Variants in ANK3 observed in about 807,000 individuals in gnomAD.
ANK3 encodes the protein ankyrin 3.
Under a neutral mutation model 370.9 loss-of-function variants are expected in ANK3, and 57 were observed. That is an observed-to-expected ratio of 0.15 (90% CI 0.12 to 0.19). ANK3 has a LOEUF of 0.19. ANK3 is among the 10% of genes least tolerant of loss of function. The pLI, the probability that ANK3 is intolerant of heterozygous loss-of-function variation, is 1.00. For missense variants in ANK3, 4,439 were observed against 5,302.1 expected, an observed-to-expected ratio of 0.84 and a Z score of 5.06; for synonymous variants, 1,929 against 1,946.3, an observed-to-expected ratio of 0.99 and a Z score of 0.23.
In ANK3 at chr10:60,196,642, AT is replaced by A; in HGVS notation, c.1690-18del. 5 of 1,372,544 alleles carry A rather than the reference AT, an allele frequency of 3.6e-6. No individual in the cohort carries two copies. The highest frequency in any genetic ancestry group is 5.1e-6 in the Non-Finnish European group (5 of 979,124). 85.0% of individuals were successfully genotyped at this position (1,372,544 alleles called of 1,614,324 possible). On this transcript the variant is annotated intron_variant, in intron 14 of 43. Coordinates refer to ENST00000280772, the MANE Select transcript of ANK3 (RefSeq NM_020987.5). ...AAATCCTTTCTGAAAAAAAAAAAAC[AT>A]AAAAATAATGAACAATAGAAATGAC...
At chr10:60,616,573 T>C (rs1219105669) in intron 1 of ANK3, among the ~76,000 whole-genome samples, 1 of 152,172 alleles carries the variant, frequency 6.6e-6, no homozygotes, top group East Asian at 1.9e-4. Context: ...CCTATTTACA[T>C]GGCAAGATTT....
At chr10:60,357,268 A>G (rs537483594) in intron 1 of ANK3, among the ~76,000 whole-genome samples, 2 of 152,168 alleles carry the variant, frequency 1.3e-5, no homozygotes, top group Non-Finnish European at 2.9e-5. Flanking sequence ...TTAATCACCA[A>G]CAGCTGCGTC....
intron 2 of ANK3, among the ~76,000 whole-genome samples, chr10:60,557,911 G>T (rs1246997499): frequency 6.6e-6 from 1 of 152,162 alleles, no homozygotes; most frequent in East Asian, 1.9e-4. Flanking sequence ...TACTTGAAAA[G>T]ATTAGGAAAC....
chr10:60,693,456 C>T (rs1225593871), intron 1 of ANK3, among the ~76,000 whole-genome samples: 1 of 152,236 alleles, frequency 6.6e-6, no homozygotes, highest in East Asian at 1.9e-4. Flanking sequence ...AGGGAACAGA[C>T]AAACAAAAAG....
At chr10:60,094,166 G>C (rs974531398) in intron 28 of ANK3, among the ~76,000 whole-genome samples, 1 of 149,804 alleles carries the variant, frequency 6.7e-6, no homozygotes, top group Non-Finnish European at 1.5e-5. Flanking sequence ...TGATGAAATG[G>C]AGAAACAGTA....
At chr10:60,685,477 T>C (rs1456442029) in intron 1 of ANK3, among the ~76,000 whole-genome samples, 1 of 152,214 alleles carries the variant, frequency 6.6e-6, no homozygotes, top group Non-Finnish European at 1.5e-5. Flanking sequence ...GGACTAAGAA[T>C]GTGTTTTAAA....
intron 1 of ANK3, among the ~76,000 whole-genome samples, chr10:60,359,594 A>C (rs966710080): frequency 2.0e-5 from 3 of 152,180 alleles, no homozygotes; most frequent in Non-Finnish European, 2.9e-5. Flanking sequence ...CCTTAGAGTA[A>C]TTTGATCTAA....
chr10:60,550,532 T>C (rs1394157524), intron 2 of ANK3, among the ~76,000 whole-genome samples: 3 of 152,044 alleles, frequency 2.0e-5, no homozygotes, highest in African/African-American at 7.2e-5. Context: ...ATAAATTTCT[T>C]CTTTTATTTG....
At chr10:60,347,568 T>C (rs1280637141) in intron 1 of ANK3, among the ~76,000 whole-genome samples, 1 of 152,014 alleles carries the variant, frequency 6.6e-6, no homozygotes, top group Non-Finnish European at 1.5e-5. Flanking sequence ...TCCTACAGGG[T>C]TGTTTTAAGG....
At chr10:60,125,802 A>G (rs1424182997) in intron 25 of ANK3, among the ~76,000 whole-genome samples, 1 of 152,176 alleles carries the variant, frequency 6.6e-6, no homozygotes, top group Non-Finnish European at 1.5e-5. Flanking sequence ...GGTAATTGAA[A>G]ATGCTTGGAT....
At position 60,181,342 on chromosome 10, in the gene ANK3, T is replaced by C. The variant is rs1379116328; in HGVS notation, c.2171A>G (p.Asp724Gly). Residue 724 changes from aspartate to glycine, a missense_variant, in exon 18 of 44, where the codon GAC becomes GGC. Transcript: ENST00000280772. Reference protein sequence around the residue: ...EVLVNQGAHVDAQTKMGYTPL... With the variant: ...EVLVNQGAHVGAQTKMGYTPL... ...AGGGCCGTATACCTTTGTCTGGGCG[T>C]CCACATGAGCCCCTTGGTTTACGAG... 1 of 1,614,054 alleles carries C rather than the reference T, an allele frequency of 6.2e-7. No homozygotes were observed. Among genetic ancestry groups the C allele is most frequent in the Non-Finnish European group, 8.5e-7 (1 of 1,180,006 alleles).
At chr10:60,649,376 A>T (rs2078757336) in intron 1 of ANK3, among the ~76,000 whole-genome samples, 1 of 152,216 alleles carries the variant, frequency 6.6e-6, no homozygotes, top group Non-Finnish European at 1.5e-5. Context: ...TTACCATAGT[A>T]ATCATTTAAG....
intron 2 of ANK3, among the ~76,000 whole-genome samples, chr10:60,534,985 A>C (rs1162360438): frequency 6.6e-6 from 1 of 152,088 alleles, no homozygotes; most frequent in Non-Finnish European, 1.5e-5. Context: ...CCTTAAAACC[A>C]AACCTAATTT....
In ANK3 at chr10:60,469,547, G is replaced by A. The variant is rs201825497; in HGVS notation, c.96+145639C>T. Among the ~76,000 whole-genome samples, 10 of 1,030 alleles carry A rather than the reference G, an allele frequency of 9.7e-3. 3 individuals carry two copies. The highest frequency in any genetic ancestry group is 0.025 in the African/African-American group (7 of 278). The allele number at this position is 1,030 out of a possible 152,430, so 0.7% of individuals were successfully genotyped here. On this transcript the variant is annotated intron_variant, in intron 2 of 43. Coordinates refer to the ANK3 transcript ENST00000373827. ...GTGGTATATATATATATATGGTGGT[G>A]TATATATATATATATATATATATGG...
At chr10:60,655,266 T>A (rs1345331574) in intron 1 of ANK3, among the ~76,000 whole-genome samples, 4 of 151,284 alleles carry the variant, frequency 2.6e-5, no homozygotes, top group African/African-American at 7.3e-5. Flanking sequence ...CTTCTGGAAG[T>A]ATTCCAGAAG....
At chr10:60,226,513 A>T (rs1157080061) in intron 8 of ANK3, among the ~76,000 whole-genome samples, 1 of 51,818 alleles carries the variant, frequency 1.9e-5, no homozygotes, top group Non-Finnish European at 3.3e-5. Context: ...ATATATACAT[A>T]GTATATATAC....
chr10:60,079,014 G>A (rs552902065), intron 36 of ANK3, among the ~76,000 whole-genome samples: 5 of 152,208 alleles, frequency 3.3e-5, no homozygotes, highest in South Asian at 2.1e-4. Flanking sequence ...AGGGGCCTCC[G>A]ACCTAAAGCG....
intron 2 of ANK3, among the ~76,000 whole-genome samples, chr10:60,489,847 A>AAAAAGC (rs1351798443): frequency 6.6e-6 from 1 of 152,258 alleles, no homozygotes; most frequent in African/African-American, 2.4e-5. Context: ...TTCACAGGAA[A>AAAAAGC]AAAAGCAAAG....
At chr10:60,132,637 G>C (rs1380585620) in intron 25 of ANK3, among the ~76,000 whole-genome samples, 1 of 119,596 alleles carries the variant, frequency 8.4e-6, no homozygotes, top group Non-Finnish European at 1.8e-5. Context: ...TTTTTTTTTT[G>C]ACAGAGTCTC....
Sources: gnomAD v4.1 joint callset for allele counts (sites outside exome capture counted in the v4.1 genomes callset) on GRCh38, gnomAD v4.1.1 for gene constraint, MANE v1.5 for transcripts, NCBI Gene and HGNC (gene_info 2026-07-23, HGNC 2026-07-21) for gene names.